The following SLC35F3 variants were observed in gnomAD, a reference collection of about 807,000 sequenced individuals.
SLC35F3 encodes putative thiamine transporter SLC35F3.
In SLC35F3, 25 loss-of-function variants were observed where a neutral mutation model predicts 49.9. That is an observed-to-expected ratio of 0.50 (90% CI 0.37 to 0.70). SLC35F3 has a LOEUF of 0.70. Among genes scored for constraint, SLC35F3 ranks in the 30% least tolerant of loss-of-function variants. The pLI is 0.00. For synonymous variants in SLC35F3, 275 were observed against 265.4 expected (o/e 1.04, Z -0.35); for missense variants, 525 against 639.8 (o/e 0.82, Z 1.94).
At chr1:234,024,430 A>G (rs571235817) in intron 2 of SLC35F3, among the ~76,000 whole-genome samples, 59 of 152,302 alleles carry the variant, frequency 3.9e-4, no homozygotes, top group African/African-American at 1.3e-3. Context: ...CAGTGACATG[A>G]TTAGTATCTT....
chr1:233,912,801 T>C (rs1661902803), intron 2 of SLC35F3, among the ~76,000 whole-genome samples: 1 of 152,228 alleles, frequency 6.6e-6, no homozygotes, highest in African/African-American at 2.4e-5. Context: ...AAACTTGTGA[T>C]ATGTTTGTTT....
rs942881324 is a variant in SLC35F3 at position 233,965,836 on chromosome 1, C to T, written c.283+60078C>T. Among the ~76,000 whole-genome samples, 4 of 152,160 alleles carry T rather than the reference C, an allele frequency of 2.6e-5. No individual in the cohort carries two copies. The East Asian group carries it at 5.8e-4, about 22-fold the overall frequency. Reference sequence around the variant, plus strand: ...ATAATTAATGCGTGCTGTCATAAACCTCTATGTAGGGGTAATTTGTTATGT... The same window carrying T: ...ATAATTAATGCGTGCTGTCATAAACTTCTATGTAGGGGTAATTTGTTATGT... On this transcript the variant is annotated intron_variant, in intron 2 of 7. Transcript: ENST00000366618.
At chr1:233,917,202 G>C (rs1017479693) in intron 2 of SLC35F3, among the ~76,000 whole-genome samples, 3 of 152,054 alleles carry the variant, frequency 2.0e-5, no homozygotes, top group Admixed American at 1.3e-4. Flanking sequence ...GTCTCTTTTT[G>C]CTCCTTCTCT....
intron 2 of SLC35F3, among the ~76,000 whole-genome samples, chr1:234,165,178 C>T (rs1198388688): frequency 6.6e-6 from 1 of 151,794 alleles, no homozygotes; most frequent in Non-Finnish European, 1.5e-5. Flanking sequence ...AATATAGTTA[C>T]GGCTTGTTTA....
At chr1:233,968,275 C>A (rs76125925) in intron 2 of SLC35F3, among the ~76,000 whole-genome samples, 7,197 of 152,170 alleles carry the variant, frequency 0.047, 262 homozygotes, top group East Asian at 0.17. Context: ...GGACACAAAT[C>A]ATTTTGGATT....
At chr1:234,293,373 A>G (rs1037913583) in intron 3 of SLC35F3, among the ~76,000 whole-genome samples, 3 of 152,244 alleles carry the variant, frequency 2.0e-5, no homozygotes, top group African/African-American at 7.2e-5. Context: ...AGCTGTACCC[A>G]GGAGCTTTCT....
At chr1:233,940,367 C>CAG (rs1478862268) in intron 2 of SLC35F3, among the ~76,000 whole-genome samples, 27 of 122,102 alleles carry the variant, frequency 2.2e-4, no homozygotes, top group African/African-American at 8.3e-4. Flanking sequence ...CACACACACA[C>CAG]ACAGAGAGAG....
At chr1:233,939,198 T>A (rs1662382904) in intron 2 of SLC35F3, among the ~76,000 whole-genome samples, 1 of 152,210 alleles carries the variant, frequency 6.6e-6, no homozygotes, top group Non-Finnish European at 1.5e-5. Context: ...ACTCCTGTAA[T>A]CCCAGTACTT....
chr1:233,963,335 C>G (rs1393888792), intron 2 of SLC35F3, among the ~76,000 whole-genome samples: 3 of 150,040 alleles, frequency 2.0e-5, no homozygotes, highest in African/African-American at 7.4e-5. Flanking sequence ...GAGTCTCGCT[C>G]TGTCGCCCAG....
intron 7 of SLC35F3, among the ~76,000 whole-genome samples, chr1:234,321,660 AT>A (rs1170048162): frequency 6.6e-6 from 1 of 152,134 alleles, no homozygotes; most frequent in Non-Finnish European, 1.5e-5. Flanking sequence ...CATTAAAATC[AT>A]TTTTCATTAC....
At chr1:233,994,767 C>T (rs1476835465) in intron 2 of SLC35F3, among the ~76,000 whole-genome samples, 2 of 152,118 alleles carry the variant, frequency 1.3e-5, no homozygotes, top group Non-Finnish European at 2.9e-5. Flanking sequence ...AAGGCGGTTC[C>T]CCAGCCCTCA....
At chr1:234,010,346 C>A (rs1663696223) in intron 2 of SLC35F3, among the ~76,000 whole-genome samples, 1 of 151,892 alleles carries the variant, frequency 6.6e-6, no homozygotes, top group Admixed American at 6.6e-5. Flanking sequence ...AGTAGATGCA[C>A]AAAACATAAA....
chr1:234,126,776 G>A (rs1665654895), intron 2 of SLC35F3, among the ~76,000 whole-genome samples: 1 of 152,092 alleles, frequency 6.6e-6, no homozygotes, highest in African/African-American at 2.4e-5. Context: ...GCTCACTGCA[G>A]CCTTGAACTC....
intron 2 of SLC35F3, among the ~76,000 whole-genome samples, chr1:234,053,712 C>A (rs988687626): frequency 1.1e-4 from 16 of 152,210 alleles, no homozygotes; most frequent in African/African-American, 3.6e-4. Context: ...TTTGCTCATT[C>A]GTTGATGCAG....
At chr1:234,257,516 G>A (rs1396623441) in intron 3 of SLC35F3, among the ~76,000 whole-genome samples, 1 of 152,206 alleles carries the variant, frequency 6.6e-6, no homozygotes, top group Non-Finnish European at 1.5e-5. Context: ...AAAGAAGATG[G>A]ACAAGGATTT....
chr1:234,284,229 TTTA>T (rs1668375000), intron 3 of SLC35F3, among the ~76,000 whole-genome samples: 1 of 152,112 alleles, frequency 6.6e-6, no homozygotes, highest in Non-Finnish European at 1.5e-5. Context: ...TAAGATAGGT[TTTA>T]TTATCTCCAT....
chr1:233,963,369 C>T (rs975718273), intron 2 of SLC35F3, among the ~76,000 whole-genome samples: 34 of 151,244 alleles, frequency 2.2e-4, no homozygotes, highest in South Asian at 1.0e-3. Flanking sequence ...GGTGCAATCT[C>T]GGCTCACTGC....
intron 2 of SLC35F3, among the ~76,000 whole-genome samples, chr1:233,995,880 A>G (rs28715688): frequency 0.034 from 5,162 of 152,150 alleles, 250 homozygotes; most frequent in African/African-American, 0.11. Flanking sequence ...GTTAACCCCC[A>G]TTCTAGTATA....
chr1:234,302,830 A>G (rs1668714681), intron 3 of SLC35F3, among the ~76,000 whole-genome samples: 1 of 152,110 alleles, frequency 6.6e-6, no homozygotes, highest in African/African-American at 2.4e-5. Context: ...TTCAGCTTCA[A>G]CCACAGAAAC....
Sources: gnomAD v4.1 joint callset for allele counts (sites outside exome capture counted in the v4.1 genomes callset) on GRCh38, gnomAD v4.1.1 for gene constraint, MANE v1.5 for transcripts, NCBI Gene and HGNC (gene_info 2026-07-23, HGNC 2026-07-21) for gene names.